The following SNX11 variants were observed in gnomAD, a reference collection of about 807,000 sequenced individuals.
SNX11 encodes the protein sorting nexin-11.
SNX11 carries 19 observed loss-of-function variants against 30.7 expected under a neutral mutation model. The ratio of observed to expected loss-of-function variants is 0.62; its 90% confidence interval spans 0.43 to 0.91. The LOEUF is 0.91. Among genes scored for constraint, SNX11 ranks in the 40% least tolerant of loss-of-function variants. The pLI is 0.00. For missense variants in SNX11, 302 were observed against 326.7 expected (o/e 0.92, Z 0.58); for synonymous variants, 112 against 119.0 (o/e 0.94, Z 0.38).
chr17:48,120,110 C>CT (rs902111819), intron 6 of SNX11, among the ~76,000 whole-genome samples: 6 of 149,844 alleles, frequency 4.0e-5, no homozygotes, highest in Non-Finnish European at 5.9e-5. Context: ...GTTTTTTTCT[C>CT]TTTTTTTCCC....
At chr17:48,120,903 A>ATTT (rs58848624) in intron 6 of SNX11, among the ~76,000 whole-genome samples, 20 of 145,278 alleles carry the variant, frequency 1.4e-4, no homozygotes, top group Middle Eastern at 3.6e-3. Context: ...ATGCCCAGCC[A>ATTT]TTTTTTTTTT....
rs1034661901 is a variant in SNX11, at chr17:48,107,836, C to CT, written c.-16_-15insT. On this transcript the variant is annotated splice_region_variant and 5_prime_UTR_variant, in exon 1 of 7. Transcript: ENST00000359238. ...CGCTGTGGGGAGCTGGTGCTGTTCT[C>CT]AGGTGAGAGGGCGTGGGCGGGGCCT... The CT allele has an allele frequency of 6.5e-6, 1 of 152,804 alleles. No homozygotes were observed. Among genetic ancestry groups the CT allele is most frequent in the African/African-American group, 2.4e-5 (1 of 41,446 alleles). 9.5% of individuals were successfully genotyped at this position (152,804 alleles called of 1,614,324 possible).
intron 1 of SNX11, among the ~76,000 whole-genome samples, chr17:48,109,735 G>A (rs1462789888): frequency 2.6e-5 from 4 of 151,830 alleles, no homozygotes; most frequent in African/African-American, 9.7e-5. Flanking sequence ...CTGCCACCAC[G>A]CCCGCTAATT....
Position 48,119,202 on chromosome 17 carries a change from T to C in SNX11, c.539+16T>C, listed in dbSNP as rs1321045295. 6.3e-7 allele frequency: 1 copy of C among 1,596,088 alleles called. No homozygotes were observed. The highest frequency in any genetic ancestry group is 8.6e-7 in the Non-Finnish European group (1 of 1,164,626). Reference sequence around the variant, plus strand: ...AGCCTAAGAGGTAACTGGAGTACTCTTTGAGATAGCAGGGGCTAGGTTTGC... The same window carrying C: ...AGCCTAAGAGGTAACTGGAGTACTCCTTGAGATAGCAGGGGCTAGGTTTGC... On this transcript the variant is annotated intron_variant, in intron 6 of 6. Transcript: ENST00000359238.
At chr17:48,108,705 A>C (rs1347103645) in intron 1 of SNX11, among the ~76,000 whole-genome samples, 2 of 152,240 alleles carry the variant, frequency 1.3e-5, no homozygotes, top group African/African-American at 4.8e-5. Context: ...TGTAGTTAAC[A>C]CTAAGTTATG....
At chr17:48,109,203 A>G (rs971130102) in intron 1 of SNX11, among the ~76,000 whole-genome samples, 5 of 150,472 alleles carry the variant, frequency 3.3e-5, no homozygotes, top group African/African-American at 9.8e-5. Flanking sequence ...AAAGTGTTGG[A>G]TTACAGGCGT....
intron 1 of SNX11, among the ~76,000 whole-genome samples, chr17:48,111,434 G>A (rs889666841): frequency 2.6e-5 from 4 of 152,082 alleles, no homozygotes. Flanking sequence ...GATCACTTGA[G>A]GTCAGGAGTT....
intron 4 of SNX11, among the ~76,000 whole-genome samples, chr17:48,115,664 AG>A (rs1296316189): frequency 8.5e-5 from 13 of 152,104 alleles, no homozygotes; most frequent in African/African-American, 3.1e-4. Flanking sequence ...ATGAGAGCCT[AG>A]GGAAGGCAGT....
intron 1 of SNX11, among the ~76,000 whole-genome samples, chr17:48,110,462 G>A (rs572019985): frequency 2.6e-5 from 4 of 152,284 alleles, no homozygotes; most frequent in Admixed American, 2.6e-4. Flanking sequence ...TTGAAAAAGT[G>A]GTTTGCTTTG....
intron 4 of SNX11, among the ~76,000 whole-genome samples, chr17:48,114,975 C>G (rs937794093): frequency 4.6e-5 from 7 of 151,520 alleles, no homozygotes; most frequent in African/African-American, 1.7e-4. Flanking sequence ...CCTGGGCAGG[C>G]TGGTCTTAAA....
rs767186263 is a variant in SNX11 at position 48,118,987 on chromosome 17, G to A, written c.340G>A (p.Val114Met). 2.5e-6 allele frequency: 4 copies of A among 1,614,088 alleles called. No homozygotes were observed. Among genetic ancestry groups the A allele is most frequent in the East Asian group, 2.2e-5 (1 of 44,888 alleles). ...QHFLEKVLQS[V>M]VLLSDSQLHL... ...TGTTTTTCCCAGGGTCCTGCAGAGT[G>A]TGGTTCTCCTGTCAGACAGCCAGTT... Residue 114 changes from valine to methionine, a missense_variant, in exon 6 of 7, where the codon GTG becomes ATG. Val to Met is a conservative substitution (Grantham distance 21, BLOSUM62 1). Coordinates refer to ENST00000359238, the MANE Select transcript of SNX11 (RefSeq NM_013323.3).
chr17:48,113,362 T>C lies in SNX11; in HGVS notation c.191T>C (p.Val64Ala). The change falls in exon 4 of 7, where the codon GTG becomes GCG. Residue 64 changes from valine (V) to alanine (A), a missense_variant. Coordinates refer to ENST00000359238, the MANE Select transcript of SNX11 (RefSeq NM_013323.3). ...SCVRRRYREF[V>A]WLRKQLQRNA... ...GTGCGGCGCCGCTACCGTGAGTTCG[T>C]GTGGCTGAGAAAGCAGCTACAGAGA... 1 of 1,613,734 alleles carries C rather than the reference T, an allele frequency of 6.2e-7. No individual in the cohort carries two copies. Among genetic ancestry groups the C allele is most frequent in the Non-Finnish European group, 8.5e-7 (1 of 1,179,786 alleles).
chr17:48,116,110 C>A (rs2063543918), intron 4 of SNX11, among the ~76,000 whole-genome samples: 1 of 151,832 alleles, frequency 6.6e-6, no homozygotes, highest in Non-Finnish European at 1.5e-5. Flanking sequence ...ATACAAAAAA[C>A]TAGCCGGGTG....
chr17:48,121,435 T>G lies in SNX11; in HGVS notation c.740T>G (p.Val247Gly). 1 of 1,614,184 alleles carries G rather than the reference T, an allele frequency of 6.2e-7. No individual in the cohort carries two copies. The highest frequency in any genetic ancestry group is 8.5e-7 in the Non-Finnish European group (1 of 1,180,028). The change falls in exon 7 of 7, where the codon GTG becomes GGG. Residue 247 changes from valine (V) to glycine (G), a missense_variant. Val to Gly is a moderately radical substitution (Grantham distance 109). Coordinates refer to ENST00000359238, the MANE Select transcript of SNX11 (RefSeq NM_013323.3). ...GAGGGAACCTCCACTCTTCAGTCTG[T>G]GAGGAGGGCTGTGGGAGGAGATCAT... ...PKEGTSTLQS[V>G]RRAVGGDHAV... is the part of the protein sequence containing the mutation.
At chr17:48,118,428 A>C (rs1357375841) in intron 4 of SNX11, among the ~76,000 whole-genome samples, 1 of 151,858 alleles carries the variant, frequency 6.6e-6, no homozygotes, top group African/African-American at 2.4e-5. Context: ...AAATACAAAA[A>C]ATTAGCTGGG....
chr17:48,113,561 T>G, intron 4 of SNX11, 160 bp downstream of exon 4: 3 of 529,720 alleles, frequency 5.7e-6, no homozygotes, highest in Non-Finnish European at 1.0e-5. Context: ...TTTTTTTTTT[T>G]TTGATGTAGG....
At chr17:48,113,545 T>TG in intron 4 of SNX11, 144 bp downstream of exon 4, 1 of 589,556 alleles carries the variant, frequency 1.7e-6, no homozygotes. Flanking sequence ...TTTTGTTTTT[T>TG]GGGTTTTTTT....
intron 4 of SNX11, among the ~76,000 whole-genome samples, chr17:48,114,919 C>T (rs866614001): frequency 1.3e-5 from 2 of 151,332 alleles, no homozygotes; most frequent in African/African-American, 2.4e-5. Context: ...CACCCATCTC[C>T]ACCTCCCAAA....
At chr17:48,120,917 T>TA (rs1555585160) in intron 6 of SNX11, among the ~76,000 whole-genome samples, 1 of 148,930 alleles carries the variant, frequency 6.7e-6, no homozygotes, top group Non-Finnish European at 1.5e-5. Context: ...TTTTTTTTTT[T>TA]AATCGGGCAG....
Sources: gnomAD v4.1 joint callset for allele counts (sites outside exome capture counted in the v4.1 genomes callset) on GRCh38, gnomAD v4.1.1 for gene constraint, MANE v1.5 for transcripts, NCBI Gene and HGNC (gene_info 2026-07-23, HGNC 2026-07-21) for gene names.